Variants in TAS1R1 observed in about 807,000 individuals in gnomAD.
TAS1R1 encodes taste 1 receptor member 1.
A neutral mutation model predicts 45.8 loss-of-function variants in TAS1R1; 31 were observed. The observed-to-expected ratio is 0.68, with a 90% confidence interval of 0.51 to 0.91. The LOEUF (loss-of-function observed/expected upper bound fraction) is 0.91, where lower values mean the gene tolerates loss of function less well. TAS1R1 is among the 40% of genes least tolerant of loss of function. The pLI is 0.00. For missense variants in TAS1R1, 1,051 were observed against 1,063.9 expected, an observed-to-expected ratio of 0.99 and a Z score of 0.17; for synonymous variants, 437 against 448.4, an observed-to-expected ratio of 0.97 and a Z score of 0.32.
chr1:6,579,166 C>T lies in TAS1R1; in HGVS notation c.2108C>T (p.Pro703Leu), dbSNP rs751001066. 6 of 1,614,202 alleles carry T rather than the reference C, an allele frequency of 3.7e-6. No homozygotes were observed. Among genetic ancestry groups the T allele is most frequent in the East Asian group, 4.5e-5 (2 of 44,876 alleles). ...ICLTWLVVWT[P>L]LPAREYQRFP... Reference sequence around the variant, plus strand: ...CTAACTTGGCTGGTGGTGTGGACCCCACTGCCTGCTAGGGAATACCAGCGC... The same window carrying T: ...CTAACTTGGCTGGTGGTGTGGACCCTACTGCCTGCTAGGGAATACCAGCGC... Residue 703 changes from proline to leucine, a missense_variant, in exon 6 of 6, where the codon CCA becomes CTA. Coordinates refer to ENST00000333172, the MANE Select transcript of TAS1R1 (RefSeq NM_138697.4).
At position 6,555,866 on chromosome 1, in the gene TAS1R1, C is replaced by CCTTT. The variant is rs1553185410; in HGVS notation, c.191+302_191+303insCTTT. ...AAGCAAGGGCAGCTTTTTCCCTCTTCTTTTTTTTTTTTTTTTTTTTTTTGA... is the reference window on the plus strand; with the variant it reads ...AAGCAAGGGCAGCTTTTTCCCTCTTCCTTTTTTTTTTTTTTTTTTTTTTTTTTGA... On this transcript the variant is annotated intron_variant, in intron 1 of 5. Coordinates refer to ENST00000333172, the MANE Select transcript of TAS1R1 (RefSeq NM_138697.4). Among the ~76,000 whole-genome samples, 11 of 95,304 alleles carry CCTTT rather than the reference C, an allele frequency of 1.2e-4. 2 individuals carry two copies. The highest frequency in any genetic ancestry group is 1.4e-4 in the Non-Finnish European group (7 of 49,168). 62.5% of individuals were successfully genotyped at this position (95,304 alleles called of 152,430 possible).
At position 6,576,529 on chromosome 1, in the gene TAS1R1, C is replaced by G. The variant is rs1640177885; in HGVS notation, c.1375C>G (p.Pro459Ala). 1.2e-6 allele frequency: 2 copies of G among 1,614,138 alleles called. No homozygotes were observed. Among genetic ancestry groups the G allele is most frequent in the African/African-American group, 1.3e-5 (1 of 74,940 alleles). The change falls in exon 4 of 6, where the codon CCC (proline) becomes GCC (alanine). Residue 459 changes from proline to alanine, a missense_variant. Physicochemically the swap from Pro to Ala is conservative, Grantham distance 27. Transcript: ENST00000333172. ...CATAATTGCCTGGGACTGGAATGGA[C>G]CCAAGTGGACCTTCACGGTCCTCGG... The part of the protein sequence containing the change: ...YNIIAWDWNG[P>A]KWTFTVLGSS...
Position 6,576,515 on chromosome 1 carries a change from G to C in TAS1R1, c.1361G>C (p.Trp454Ser). 6.2e-7 allele frequency: 1 copy of C among 1,614,254 alleles called. No individual in the cohort carries two copies. The highest frequency in any genetic ancestry group is 8.5e-7 in the Non-Finnish European group (1 of 1,180,046). ...DPLSSYNIIA[W>S]DWNGPKWTFT... ...CTCAGTAGCTATAACATAATTGCCT[G>C]GGACTGGAATGGACCCAAGTGGACC... The change falls in exon 4 of 6, where the codon TGG (tryptophan) becomes TCG (serine). Residue 454 changes from tryptophan to serine, a missense_variant. Trp to Ser is a radical substitution (Grantham distance 177, BLOSUM62 -3). Transcript: ENST00000333172.
chr1:6,571,362 C>A, intron 2 of TAS1R1, 147 bp downstream of exon 2: 1 of 830,062 alleles, frequency 1.2e-6, no homozygotes, highest in Non-Finnish European at 1.8e-6. Context: ...GTCAGGGGTC[C>A]CTGCCCAGCG....
intron 1 of TAS1R1, among the ~76,000 whole-genome samples, chr1:6,563,762 C>G (rs934194533): frequency 1.3e-5 from 2 of 151,902 alleles, no homozygotes; most frequent in African/African-American, 4.8e-5. Context: ...GGTAGATAGG[C>G]AAAGAGTAAG....
intron 1 of TAS1R1, among the ~76,000 whole-genome samples, chr1:6,563,775 G>A (rs1051742439): frequency 6.6e-6 from 1 of 152,080 alleles, no homozygotes; most frequent in African/African-American, 2.4e-5. Context: ...AGAGTAAGTA[G>A]GAAAGTAAAT....
intron 1 of TAS1R1, among the ~76,000 whole-genome samples, chr1:6,567,563 GAAA>G (rs34650839): frequency 7.1e-6 from 1 of 140,468 alleles, no homozygotes; most frequent in Non-Finnish European, 1.5e-5. Context: ...CCGTCTCAAA[GAAA>G]AAAAAAAAAA....
intron 1 of TAS1R1, among the ~76,000 whole-genome samples, chr1:6,566,618 T>A (rs1437393999): frequency 6.6e-6 from 1 of 151,998 alleles, no homozygotes; most frequent in African/African-American, 2.4e-5. Context: ...GGTCTTGAGA[T>A]GGAGTCTCGC....
At chr1:6,558,041 T>G (rs928349004) in intron 1 of TAS1R1, among the ~76,000 whole-genome samples, 1 of 141,330 alleles carries the variant, frequency 7.1e-6, no homozygotes, top group Non-Finnish European at 1.5e-5. Flanking sequence ...GGTTAGTTTT[T>G]GTTTTTGTTT....
intron 1 of TAS1R1, 68 bp downstream of exon 1, chr1:6,555,632 C>G: frequency 7.0e-7 from 1 of 1,429,334 alleles, no homozygotes; most frequent in Non-Finnish European, 9.5e-7. Flanking sequence ...TGGCTGCCAT[C>G]CTCCAAACAG....
At chr1:6,578,031 G>A (rs1640231006) in intron 5 of TAS1R1, among the ~76,000 whole-genome samples, 1 of 152,180 alleles carries the variant, frequency 6.6e-6, no homozygotes, top group Non-Finnish European at 1.5e-5. Flanking sequence ...AAGACAGCTA[G>A]CTCCTTGAAC....
Position 6,568,461 on chromosome 1 carries a change from GA to G in TAS1R1, c.192-2433del, listed in dbSNP as rs577853147. On this transcript the variant is annotated intron_variant, in intron 1 of 5. Coordinates refer to ENST00000333172, the MANE Select transcript of TAS1R1 (RefSeq NM_138697.4). ...GAGTGTGAGACTCCGTCTCAAAAAAGAAAAAAAAAAAAAAAGAACAATAGTT... is the reference window on the plus strand; with the variant it reads ...GAGTGTGAGACTCCGTCTCAAAAAAGAAAAAAAAAAAAAAGAACAATAGTT... Among the ~76,000 whole-genome samples the G allele has an allele frequency of 5.4e-3, 576 of 106,216 alleles. 2 individuals carry two copies. Among genetic ancestry groups the G allele is most frequent in the Non-Finnish European group, 5.0e-3 (242 of 48,346 alleles). 69.7% of individuals were successfully genotyped at this position (106,216 alleles called of 152,430 possible).
rs754413945 is a variant in TAS1R1 at position 6,570,914 on chromosome 1, G to A, written c.197G>A (p.Cys66Tyr). 1 of 1,597,904 alleles carries A rather than the reference G, an allele frequency of 6.3e-7. No homozygotes were observed. The highest frequency in any genetic ancestry group is 8.5e-7 in the Non-Finnish European group (1 of 1,172,078). The change falls in exon 2 of 6, where the codon TGT becomes TAT. Residue 66 changes from cysteine to tyrosine, a missense_variant. Coordinates refer to ENST00000333172, the MANE Select transcript of TAS1R1 (RefSeq NM_138697.4). Reference sequence around the variant, plus strand: ...CTTACTGGCTTTCTCCACAGGTCTTGTAGCTTCAATGAGCATGGCTACCAC... The same window carrying A: ...CTTACTGGCTTTCTCCACAGGTCTTATAGCTTCAATGAGCATGGCTACCAC... ...RPEVTLCDRSCSFNEHGYHLF... is the reference protein window; with the variant it reads ...RPEVTLCDRSYSFNEHGYHLF...
At chr1:6,575,698 T>C (rs1279324925) in intron 3 of TAS1R1, among the ~76,000 whole-genome samples, 9 of 149,532 alleles carry the variant, frequency 6.0e-5, no homozygotes, top group East Asian at 5.9e-4. Flanking sequence ...TTTCTTTTCT[T>C]TTTTTTTTTT....
intron 1 of TAS1R1, among the ~76,000 whole-genome samples, chr1:6,566,674 C>A (rs1297726092): frequency 3.9e-5 from 6 of 152,178 alleles, no homozygotes; most frequent in African/African-American, 1.4e-4. Flanking sequence ...CGGCTCACTG[C>A]AAGCTCCACC....
rs747161044 is a variant in TAS1R1 at position 6,577,073 on chromosome 1, G to A, written c.1594+3G>A. On this transcript the variant is annotated splice_donor_region_variant and intron_variant, in intron 5 of 5. Coordinates refer to ENST00000333172, the MANE Select transcript of TAS1R1 (RefSeq NM_138697.4). ...TGGGACCTTCCTCAACAAGAGTGGT[G>A]AGTGGGCAATGGAGCAGGCGAGCTA... 6 of 1,614,190 alleles carry A rather than the reference G, an allele frequency of 3.7e-6. 1 individual carries two copies. In the South Asian group the frequency reaches 6.6e-5, roughly 18 times the overall value.
intron 5 of TAS1R1, among the ~76,000 whole-genome samples, chr1:6,578,212 G>A (rs1358995976): frequency 6.6e-6 from 1 of 152,198 alleles, no homozygotes. Context: ...TGTAGGGACA[G>A]GAATACTTCC....
chr1:6,556,933 C>G (rs1348261554), intron 1 of TAS1R1, among the ~76,000 whole-genome samples: 1 of 151,098 alleles, frequency 6.6e-6, no homozygotes, highest in Admixed American at 6.6e-5. Flanking sequence ...TCGCATGAAC[C>G]CGGAGGTGGA....
chr1:6,561,227 G>A (rs756374802), intron 1 of TAS1R1, among the ~76,000 whole-genome samples: 6 of 152,226 alleles, frequency 3.9e-5, no homozygotes, highest in Non-Finnish European at 8.8e-5. Context: ...CAAAACTACT[G>A]GGGCCAGGAG....
Sources: gnomAD v4.1 joint callset for allele counts (sites outside exome capture counted in the v4.1 genomes callset) on GRCh38, gnomAD v4.1.1 for gene constraint, MANE v1.5 for transcripts, NCBI Gene and HGNC (gene_info 2026-07-23, HGNC 2026-07-21) for gene names.